Variants in STIM2 observed in about 807,000 individuals in gnomAD.
STIM2 encodes the protein stromal interaction molecule 2.
A neutral mutation model predicts 85.8 loss-of-function variants in STIM2; 31 were observed. That is an observed-to-expected ratio of 0.36 (90% confidence interval 0.27 to 0.49). The LOEUF (loss-of-function observed/expected upper bound fraction) is 0.49. Among genes scored for constraint, STIM2 ranks in the 20% least tolerant of loss-of-function variants. STIM2 has a pLI of 0.98. For synonymous variants in STIM2, 356 were observed against 331.1 expected, an observed-to-expected ratio of 1.08 and a Z score of -0.82; for missense variants, 841 against 927.6, an observed-to-expected ratio of 0.91 and a Z score of 1.21.
Position 26,901,233 on chromosome 4 carries a change from A to T in STIM2, c.152-18271A>T, listed in dbSNP as rs78541657. Among the ~76,000 whole-genome samples the T allele has an allele frequency of 5.6e-3, 852 of 152,274 alleles. 7 individuals carry two copies. Among genetic ancestry groups the T allele is most frequent in the African/African-American group, 0.019 (785 of 41,542 alleles). ...AGTTTTAAAAATTTTTACTTAGGTA[A>T]TTTTCAACACACTTGTAGTTTTTTT... is the stretch of plus-strand genomic sequence containing the variant. On this transcript the variant is annotated intron_variant, in intron 1 of 11. Coordinates refer to ENST00000467087, the MANE Select transcript of STIM2 (RefSeq NM_020860.4).
At chr4:26,938,309 C>T (rs572932464) in intron 2 of STIM2, among the ~76,000 whole-genome samples, 1 of 151,680 alleles carries the variant, frequency 6.6e-6, no homozygotes, top group Non-Finnish European at 1.5e-5. Flanking sequence ...TGATTATTAT[C>T]GCAGTCTTAT....
chr4:26,912,522 G>A (rs1272017294), intron 1 of STIM2, among the ~76,000 whole-genome samples: 1 of 152,134 alleles, frequency 6.6e-6, no homozygotes, highest in Non-Finnish European at 1.5e-5. Flanking sequence ...TATTCCTCTA[G>A]TGAAGGCAAA....
chr4:26,934,172 C>T (rs1347328160), intron 2 of STIM2, among the ~76,000 whole-genome samples: 1 of 150,690 alleles, frequency 6.6e-6, no homozygotes, highest in Non-Finnish European at 1.5e-5. Context: ...CTGGCCTGGG[C>T]AAAAGAGCGA....
intron 1 of STIM2, among the ~76,000 whole-genome samples, chr4:26,912,739 A>C (rs1724389256): frequency 6.6e-6 from 1 of 152,186 alleles, no homozygotes; most frequent in Admixed American, 6.5e-5. Flanking sequence ...ATATTCTATT[A>C]CTTCTTGCCT....
rs1560244860 is a variant in STIM2, at chr4:27,023,157, A to G, written c.*161A>G. 4.4e-6 allele frequency: 3 copies of G among 675,122 alleles called. No individual in the cohort carries two copies. The highest frequency in any genetic ancestry group is 7.7e-6 in the Non-Finnish European group (3 of 389,396). The allele number at this position is 675,122 out of a possible 1,614,324, so 41.8% of individuals were successfully genotyped here. A position where few individuals can be genotyped will look rare whatever the true frequency, so the allele number is the denominator to read the frequency against. The stretch of plus-strand genomic sequence containing the variant: ...GGAACATCCAGAAGGGCAACTGTCT[A>G]CTGTCTGCTTATTTAAGTGACTATA... On this transcript the variant is annotated 3_prime_UTR_variant, in exon 12 of 12. Coordinates refer to ENST00000467087, the MANE Select transcript of STIM2 (RefSeq NM_020860.4).
chr4:26,945,744 C>T (rs1417591811), intron 2 of STIM2, among the ~76,000 whole-genome samples: 1 of 151,940 alleles, frequency 6.6e-6, no homozygotes, highest in Non-Finnish European at 1.5e-5. Context: ...GTATGTATGT[C>T]GTATTTTGAG....
At chr4:27,018,992 GTAT>G (rs1178613990) in intron 11 of STIM2, among the ~76,000 whole-genome samples, 5 of 152,184 alleles carry the variant, frequency 3.3e-5, no homozygotes, top group Middle Eastern at 3.2e-3. Context: ...TAGCAGCAGC[GTAT>G]TTCAGTCCAA....
In STIM2 at chr4:26,975,992, A is replaced by G. The variant is rs759543219; in HGVS notation, c.397+18266A>G. The stretch of plus-strand genomic sequence containing the variant: ...TCCCCAAGCCAGGCTGCCACCTTAC[A>G]GTTCAATCTCAGACTGCTGCGCTAG... On this transcript the variant is annotated intron_variant, in intron 3 of 11. Coordinates refer to ENST00000467087, the MANE Select transcript of STIM2 (RefSeq NM_020860.4). 5.1e-4 allele frequency among the ~76,000 whole-genome samples: 77 copies of G among 152,192 alleles called. 1 individual carries two copies. Among genetic ancestry groups the G allele is most frequent in the Admixed American group, 5.9e-4 (9 of 15,282 alleles).
chr4:26,976,256 G>A (rs1380515243), intron 3 of STIM2, among the ~76,000 whole-genome samples: 3 of 151,972 alleles, frequency 2.0e-5, no homozygotes, highest in Admixed American at 1.3e-4. Context: ...GGCTGCACAC[G>A]TTGCCCAGCC....
intron 1 of STIM2, among the ~76,000 whole-genome samples, chr4:26,870,065 C>T (rs1384531371): frequency 1.3e-5 from 2 of 151,966 alleles, no homozygotes; most frequent in Admixed American, 1.3e-4. Context: ...CATAGAAAGA[C>T]AAATACTGCA....
intron 3 of STIM2, among the ~76,000 whole-genome samples, chr4:26,965,854 C>T (rs139473713): frequency 4.5e-4 from 69 of 152,172 alleles, no homozygotes; most frequent in Admixed American, 9.2e-4. Context: ...ATGCAGAGAC[C>T]ACTACCTATT....
Position 27,022,756 on chromosome 4 carries a change from A to T in STIM2, c.2001A>T (p.Ala667=). Residue 667 remains alanine, a synonymous_variant, in exon 12 of 12, where the codon GCA becomes GCT. Transcript: ENST00000467087. ...CTAAGAGTATGATCTTCAGTCCTGC[A>T]AGCAAAGTGTACAATGGCATTTTGG... The T allele has an allele frequency of 6.2e-7, 1 of 1,614,216 alleles. No homozygotes were observed. Among genetic ancestry groups the T allele is most frequent in the Non-Finnish European group, 8.5e-7 (1 of 1,180,034 alleles).
chr4:26,962,876 C>G (rs1726535959), intron 3 of STIM2, among the ~76,000 whole-genome samples: 1 of 152,102 alleles, frequency 6.6e-6, no homozygotes. Context: ...AATGAAAACT[C>G]ACTGGGTTAG....
At chr4:26,936,242 T>C (rs1725388318) in intron 2 of STIM2, among the ~76,000 whole-genome samples, 1 of 152,238 alleles carries the variant, frequency 6.6e-6, no homozygotes, top group Non-Finnish European at 1.5e-5. Flanking sequence ...ACTTATGTCC[T>C]TATGTCCTGA....
At chr4:26,896,526 T>C (rs1232417057) in intron 1 of STIM2, among the ~76,000 whole-genome samples, 2 of 152,226 alleles carry the variant, frequency 1.3e-5, no homozygotes, top group African/African-American at 2.4e-5. Flanking sequence ...GCCTTGACTC[T>C]TCTTGCCTGA....
chr4:26,869,420 C>G (rs984472348), intron 1 of STIM2, among the ~76,000 whole-genome samples: 7 of 151,692 alleles, frequency 4.6e-5, no homozygotes, highest in Non-Finnish European at 7.4e-5. Context: ...GTGAATATGT[C>G]TGTGTGTGCA....
In STIM2 at chr4:26,957,658, G is replaced by A. The variant is rs1726296853; in HGVS notation, c.329G>A (p.Ser110Asn). The A allele has an allele frequency of 6.3e-7, 1 of 1,589,762 alleles. No homozygotes were observed. The highest frequency in any genetic ancestry group is 8.5e-7 in the Non-Finnish European group (1 of 1,172,114). Reference sequence around the variant, plus strand: ...TATAAAGATGCTACTAATAAACACAGCCATCTGCACAGAGAAGATAAACAT... The same window carrying A: ...TATAAAGATGCTACTAATAAACACAACCATCTGCACAGAGAAGATAAACAT... Residue 110 changes from serine to asparagine, a missense_variant, in exon 3 of 12, where the codon AGC becomes AAC. Ser to Asn is a conservative substitution (Grantham distance 46, BLOSUM62 1). This residue lies in a region of STIM2 where 408 missense variants were observed against 525.4 expected (regional missense o/e 0.78). Transcript: ENST00000467087.
intron 2 of STIM2, among the ~76,000 whole-genome samples, chr4:26,934,913 CAAAAAAAAA>C (rs1160656482): frequency 1.7e-5 from 1 of 57,606 alleles, no homozygotes; most frequent in African/African-American, 6.2e-5. Flanking sequence ...AACTCCATCT[CAAAAAAAAA>C]AAAAAAAAAA....
chr4:26,934,990 G>T (rs1011921074), intron 2 of STIM2, among the ~76,000 whole-genome samples: 1 of 151,562 alleles, frequency 6.6e-6, no homozygotes, highest in Admixed American at 6.6e-5. Flanking sequence ...GAGAATGAGT[G>T]AGGCAGAAAG....
Sources: allele counts gnomAD v4.1 joint callset (sites outside exome capture counted in the v4.1 genomes callset), GRCh38; gene constraint gnomAD v4.1.1; regional missense constraint gnomAD v4.1.1; transcripts MANE v1.5; gene names NCBI Gene and HGNC (gene_info 2026-07-23, HGNC 2026-07-21).